RARS2: variants seen among roughly 807,000 people sequenced by gnomAD.
RARS2 encodes probable arginine--tRNA ligase, mitochondrial.
Under a neutral mutation model 88.5 loss-of-function variants are expected in RARS2, and 67 were observed. The observed-to-expected ratio is 0.76, with a 90% CI of 0.62 to 0.93. The LOEUF (loss-of-function observed/expected upper bound fraction) is 0.93, where lower values mean the gene tolerates loss of function less well. Ranked by LOEUF, RARS2 falls within the 40% of genes least tolerant of loss-of-function variation. The probability of loss-of-function intolerance (pLI) is 0.00; values close to 1 mark genes in which losing one functional copy is unlikely to be tolerated. For missense variants in RARS2, 664 were observed against 684.2 expected (o/e 0.97, Z 0.33); for synonymous variants, 239 against 230.3 (o/e 1.04, Z -0.34).
chr6:87,538,328 C>A (rs1779824789), intron 8 of RARS2, among the ~76,000 whole-genome samples: 1 of 152,152 alleles, frequency 6.6e-6, no homozygotes, highest in Non-Finnish European at 1.5e-5. Context: ...GAAAGCAACA[C>A]CATTATTATT....
chr6:87,588,063 C>G (rs958306205), intron 1 of RARS2, among the ~76,000 whole-genome samples: 2 of 152,070 alleles, frequency 1.3e-5, no homozygotes, highest in Non-Finnish European at 2.9e-5. Flanking sequence ...TGTGAGCCAC[C>G]ATGCCTGGTC....
rs74359680 is a variant in RARS2 at position 87,550,976 on chromosome 6, T to C, written c.396-2330A>G. Among the ~76,000 whole-genome samples the C allele has an allele frequency of 4.3e-3, 649 of 152,194 alleles. 8 individuals carry two copies. Among genetic ancestry groups the C allele is most frequent in the African/African-American group, 0.015 (609 of 41,562 alleles). On this transcript the variant is annotated intron_variant, in intron 5 of 19. Coordinates refer to ENST00000369536, the MANE Select transcript of RARS2 (RefSeq NM_020320.5). ...GCTTTCCTTTTCATTAAATATCTCTTTGTAATCTCTGAATTTTTAAAAAAC... is the reference window on the plus strand; with the variant it reads ...GCTTTCCTTTTCATTAAATATCTCTCTGTAATCTCTGAATTTTTAAAAAAC...
chr6:87,545,626 GC>G lies in RARS2; in HGVS notation c.524del (p.Gly175AlafsTer45). 6.2e-7 allele frequency: 1 copy of G among 1,613,676 alleles called. No individual in the cohort carries two copies. Among genetic ancestry groups the G allele is most frequent in the Non-Finnish European group, 8.5e-7 (1 of 1,179,856 alleles). On this transcript the variant is annotated frameshift_variant, in exon 7 of 20. Coordinates refer to ENST00000369536, the MANE Select transcript of RARS2 (RefSeq NM_020320.5). LOFTEE classifies it high-confidence loss of function. ...CTCAAGTGTACTTACCAAACTGCAT[GC>G]CCCAATCGCCAAGGTAATTTATTCT... Reference protein sequence around the residue: ...VIRINYLGDWGMQFGLLGTGF... With the variant: ...VIRINYLGDWXMQFGLLGTGF...
At chr6:87,565,261 T>A (rs1466368579) in intron 2 of RARS2, among the ~76,000 whole-genome samples, 4 of 152,034 alleles carry the variant, frequency 2.6e-5, no homozygotes, top group African/African-American at 4.8e-5. Context: ...GACCTCCAAA[T>A]GACATATTTT....
intron 10 of RARS2, among the ~76,000 whole-genome samples, chr6:87,528,063 T>C (rs1188473038): frequency 7.8e-6 from 1 of 128,980 alleles, no homozygotes; most frequent in Non-Finnish European, 1.7e-5. Context: ...CCTGGGAACA[T>C]AAAAAAAAAA....
intron 4 of RARS2, among the ~76,000 whole-genome samples, chr6:87,560,935 G>A (rs1455739375): frequency 6.6e-6 from 1 of 152,108 alleles, no homozygotes; most frequent in Admixed American, 6.6e-5. Flanking sequence ...AAAACTTATG[G>A]TGTAAACCAA....
Position 87,548,600 on chromosome 6 carries a change from T to G in RARS2, c.442A>C (p.Thr148Pro), listed in dbSNP as rs143389605. Reference sequence around the variant, plus strand: ...GAAACTAAACACTTACCTATGATGGTAGAACGCAAATGTCCAACATGAAAT... The same window carrying G: ...GAAACTAAACACTTACCTATGATGGGAGAACGCAAATGTCCAACATGAAAT... The part of the protein sequence containing the change: ...KKFHVGHLRS[T>P]IIGNFIANLK... The change falls in exon 6 of 20, where the codon ACC becomes CCC. Residue 148 changes from threonine to proline, a missense_variant. Physicochemically the swap from Thr to Pro is conservative, Grantham distance 38. Coordinates refer to ENST00000369536, the MANE Select transcript of RARS2 (RefSeq NM_020320.5). 3.1e-6 allele frequency: 5 copies of G among 1,612,938 alleles called. No individual in the cohort carries two copies. Among genetic ancestry groups the G allele is most frequent in the Non-Finnish European group, 4.2e-6 (5 of 1,179,528 alleles).
At chr6:87,515,077 T>C in intron 18 of RARS2, 57 bp from the exon 19 acceptor site, 2 of 1,323,344 alleles carry the variant, frequency 1.5e-6, no homozygotes, top group East Asian at 2.3e-5. Flanking sequence ...TGTTGTAAGA[T>C]ATGAGCTTGA....
At chr6:87,542,709 T>C (rs1342437126) in intron 7 of RARS2, among the ~76,000 whole-genome samples, 1 of 148,830 alleles carries the variant, frequency 6.7e-6, no homozygotes, top group Non-Finnish European at 1.5e-5. Flanking sequence ...AAACTACATA[T>C]CAAAATTCCT....
Position 87,542,006 on chromosome 6 carries a change from A to G in RARS2, c.536-12T>C, listed in dbSNP as rs1781147825. 1.2e-6 allele frequency: 2 copies of G among 1,605,532 alleles called. No homozygotes were observed. The highest frequency in any genetic ancestry group is 2.7e-5 in the African/African-American group (2 of 74,846). The stretch of plus-strand genomic sequence containing the variant: ...AGTTCCCAGAAGACCTACCATGATA[A>G]TCCGTAAATGAAAAATTATAAAGTT... On this transcript the variant is annotated splice_polypyrimidine_tract_variant and intron_variant, in intron 7 of 19. Transcript: ENST00000369536.
chr6:87,546,688 T>G (rs533664076), intron 6 of RARS2, among the ~76,000 whole-genome samples: 32 of 152,316 alleles, frequency 2.1e-4, no homozygotes, highest in African/African-American at 6.5e-4. Context: ...TCTGCAGCCC[T>G]CCAACAACTT....
At chr6:87,572,933 TAC>T (rs60463360) in intron 1 of RARS2, among the ~76,000 whole-genome samples, 4,876 of 151,972 alleles carry the variant, frequency 0.032, 106 homozygotes, top group Middle Eastern at 0.054. Flanking sequence ...CATATATATA[TAC>T]ATACTCAGTA....
At position 87,514,972 on chromosome 6, in the gene RARS2, A is replaced by T. The variant is rs1010501267; in HGVS notation, c.1635T>A (p.Pro545=). The T allele has an allele frequency of 1.2e-6, 2 of 1,612,826 alleles. No homozygotes were observed. Among genetic ancestry groups the T allele is most frequent in the Non-Finnish European group, 1.7e-6 (2 of 1,178,822 alleles). The change falls in exon 19 of 20, where the codon CCT becomes CCA. Residue 545 remains proline (P), a synonymous_variant. Transcript: ENST00000369536. ...AHKTLQIKDS[P]PEVAGARLHL... ...CATAACGTACCCCAGCCACTTCAGG[A>T]GGACTATCTTTTATTTGTAGTGTTT...
intron 5 of RARS2, among the ~76,000 whole-genome samples, 197 bp from the exon 6 acceptor site, chr6:87,548,843 CTT>C (rs1277556128): frequency 2.6e-5 from 4 of 152,152 alleles, no homozygotes; most frequent in Non-Finnish European, 5.9e-5. Flanking sequence ...TGAAATTGAT[CTT>C]GTGACTCCTG....
chr6:87,516,222 C>T (rs986760569), intron 18 of RARS2, among the ~76,000 whole-genome samples: 8 of 152,096 alleles, frequency 5.3e-5, no homozygotes, highest in African/African-American at 1.7e-4. Flanking sequence ...AAATAGACAC[C>T]ATGAAATTGT....
At chr6:87,548,411 T>C (rs1456772932) in intron 6 of RARS2, among the ~76,000 whole-genome samples, 180 bp downstream of exon 6, 1 of 152,246 alleles carries the variant, frequency 6.6e-6, no homozygotes, top group African/African-American at 2.4e-5. Context: ...AAATCAATTT[T>C]GTGTTTCCAC....
At chr6:87,561,629 G>C (rs1309388014) in intron 4 of RARS2, among the ~76,000 whole-genome samples, 2 of 152,190 alleles carry the variant, frequency 1.3e-5, no homozygotes, top group Non-Finnish European at 2.9e-5. Flanking sequence ...CATTAAAATT[G>C]TAACACAAAG....
chr6:87,585,468 C>T (rs887143951), intron 1 of RARS2, among the ~76,000 whole-genome samples: 8 of 152,294 alleles, frequency 5.3e-5, no homozygotes, highest in South Asian at 2.1e-4. Context: ...CGGTGGCTCA[C>T]GCCTGTAATC....
In RARS2 at chr6:87,518,248, C is replaced by T. The variant is rs1475065783; in HGVS notation, c.1432G>A (p.Gly478Arg). ...TTGAAGTCATTCAGGTACCCACATC[C>T]AAAAGTCTCTTCCAAACTTATCAAA... ...ARLHSLEETF[G>R]CGYLNDFNTA... Residue 478 changes from glycine (G) to arginine (R), a missense_variant, in exon 17 of 20, where the codon GGA becomes AGA. By Grantham distance (125) the Gly-to-Arg change is moderately radical. Transcript: ENST00000369536. 1.2e-6 allele frequency: 2 copies of T among 1,614,014 alleles called. No individual in the cohort carries two copies. The highest frequency in any genetic ancestry group is 1.7e-6 in the Non-Finnish European group (2 of 1,180,016).
Sources: allele counts gnomAD v4.1 joint callset (sites outside exome capture counted in the v4.1 genomes callset), GRCh38; gene constraint gnomAD v4.1.1; transcripts MANE v1.5; gene names NCBI Gene and HGNC (gene_info 2026-07-23, HGNC 2026-07-21).